ZNF705B: variants seen among roughly 807,000 people sequenced by gnomAD.
ZNF705B encodes the protein zinc finger protein 705B, also known as Putative zinc finger protein 705D-like protein LOC100132396.
ZNF705B carries 1 observed loss-of-function variant against 10.5 expected under a neutral mutation model. The ratio of observed to expected loss-of-function variants is 0.10; its 90% CI spans 0.03 to 0.45. ZNF705B has a LOEUF of 0.45. Among genes scored for constraint, ZNF705B ranks in the 20% least tolerant of loss-of-function variants. The pLI, the probability that ZNF705B is intolerant of heterozygous loss-of-function variation, is 0.97. For synonymous variants in ZNF705B, 4 were observed against 25.4 expected (o/e 0.16, Z 2.53); for missense variants, 14 against 84.0 (o/e 0.17, Z 3.26).
rs1384806260 is a variant in ZNF705B at position 7,927,260 on chromosome 8, C to T, written c.-222+863C>T. Among the ~76,000 whole-genome samples, 98 of 119,202 alleles carry T rather than the reference C, an allele frequency of 8.2e-4. 31 individuals are homozygous for T. The highest frequency in any genetic ancestry group is 1.5e-3 in the Non-Finnish European group (76 of 49,784). 78.2% of individuals were successfully genotyped at this position (119,202 alleles called of 152,430 possible). ...CTCTAATTCCATGGGCCCTAAAAGG[C>T]AAAGTTGTCCTTATTAAGTTTTAAA... is the stretch of plus-strand genomic sequence containing the variant. On this transcript the variant is annotated intron_variant, in intron 1 of 6. Transcript: ENST00000400120.
chr8:7,931,329 T>G (rs1819841978), intron 2 of ZNF705B, among the ~76,000 whole-genome samples: 1 of 121,646 alleles, frequency 8.2e-6, no homozygotes, highest in African/African-American at 2.5e-5. Context: ...TCCTCAGGCT[T>G]TCACCTGGTG....
At chr8:7,945,095 AT>A (rs1315509118) in intron 2 of ZNF705B, among the ~76,000 whole-genome samples, 5 of 32,614 alleles carry the variant, frequency 1.5e-4, no homozygotes, top group Non-Finnish European at 2.5e-4. Context: ...TTGTCAATAC[AT>A]TTTTTTTCCA....
chr8:7,931,603 A>G (rs1475367108), intron 2 of ZNF705B, among the ~76,000 whole-genome samples: 1 of 122,002 alleles, frequency 8.2e-6, no homozygotes, highest in Non-Finnish European at 2.0e-5. Flanking sequence ...AGTGACAGCA[A>G]TGGGTGGGAT....
At chr8:7,945,011 G>A (rs1254044963) in intron 2 of ZNF705B, among the ~76,000 whole-genome samples, 3 of 33,464 alleles carry the variant, frequency 9.0e-5, no homozygotes, top group African/African-American at 1.6e-4. Context: ...ACTGGAGGGA[G>A]ATACTAAGCT....
rs77161931 is a variant in ZNF705B, at chr8:7,937,538, C to A, written c.-72+7102C>A. ...GGAATTTTTAAACCTTGATTAAAAGCATTGATTTTCTGGGGTTATATATGT... is the reference window on the plus strand; with the variant it reads ...GGAATTTTTAAACCTTGATTAAAAGAATTGATTTTCTGGGGTTATATATGT... On this transcript the variant is annotated intron_variant, in intron 2 of 6. Coordinates refer to ENST00000400120, the MANE Select transcript of ZNF705B (RefSeq NM_001193630.1). Among the ~76,000 whole-genome samples the A allele has an allele frequency of 5.2e-4, 61 of 116,418 alleles. 7 individuals carry two copies. The South Asian group carries it at 0.016, about 31-fold the overall frequency. 76.4% of individuals were successfully genotyped at this position (116,418 alleles called of 152,430 possible).
At chr8:7,931,450 C>T (rs1161444076) in intron 2 of ZNF705B, among the ~76,000 whole-genome samples, 1 of 121,848 alleles carries the variant, frequency 8.2e-6, no homozygotes, top group African/African-American at 2.5e-5. Context: ...GGATTAATCC[C>T]CCAGCTCCCA....
At chr8:7,931,098 C>T (rs140260918) in intron 2 of ZNF705B, among the ~76,000 whole-genome samples, 52,836 of 111,842 alleles carry the variant, frequency 0.47, 11,162 homozygotes, top group South Asian at 0.62. Flanking sequence ...GGTGATCTGC[C>T]CCCCTCAGCC....
At chr8:7,927,377 C>A (rs1819721582) in intron 1 of ZNF705B, among the ~76,000 whole-genome samples, 1 of 120,978 alleles carries the variant, frequency 8.3e-6, no homozygotes, top group African/African-American at 2.5e-5. Context: ...TTAAAAGTTC[C>A]TCTTACAGGT....
intron 1 of ZNF705B, among the ~76,000 whole-genome samples, chr8:7,928,734 C>T (rs1379813827): frequency 2.1e-5 from 1 of 48,596 alleles, no homozygotes; most frequent in African/African-American, 4.5e-5. Context: ...AGAATTATCG[C>T]TTTTAACCAG....
At chr8:7,926,777 C>A (rs1330668916) in intron 1 of ZNF705B, among the ~76,000 whole-genome samples, 1 of 112,936 alleles carries the variant, frequency 8.9e-6, no homozygotes, top group African/African-American at 2.9e-5. Context: ...TTATGCACGA[C>A]CCTGTTCATT....
At chr8:7,928,275 G>T (rs1819752566) in intron 1 of ZNF705B, among the ~76,000 whole-genome samples, 1 of 119,498 alleles carries the variant, frequency 8.4e-6, no homozygotes, top group African/African-American at 2.5e-5. Context: ...CACCTTGGGG[G>T]TTGGCATTTC....
At chr8:7,930,627 AT>A (rs1341251762) in intron 2 of ZNF705B, among the ~76,000 whole-genome samples, 191 bp downstream of exon 2, 1 of 100,508 alleles carries the variant, frequency 9.9e-6, no homozygotes, top group East Asian at 2.9e-4. Context: ...GAAATTTAAA[AT>A]TTTTTCCCAA....
intron 1 of ZNF705B, among the ~76,000 whole-genome samples, chr8:7,928,632 G>C (rs1420997883): frequency 9.4e-6 from 1 of 106,404 alleles, no homozygotes; most frequent in Non-Finnish European, 2.3e-5. Context: ...CCATAAAAAT[G>C]CGTTGCACTA....
At chr8:7,930,053 T>C (rs1159623433) in intron 1 of ZNF705B, among the ~76,000 whole-genome samples, 1 of 105,378 alleles carries the variant, frequency 9.5e-6, no homozygotes, top group Non-Finnish European at 2.2e-5. Context: ...AATATGGTAT[T>C]ATGTGGTGGT....
intron 1 of ZNF705B, among the ~76,000 whole-genome samples, chr8:7,929,161 G>A (rs1283490956): frequency 8.2e-6 from 1 of 121,772 alleles, no homozygotes; most frequent in African/African-American, 2.5e-5. Context: ...TTGAAATAAG[G>A]TAATGTCAGT....
At chr8:7,940,369 A>T (rs550395222) in intron 2 of ZNF705B, among the ~76,000 whole-genome samples, 2 of 146,044 alleles carry the variant, frequency 1.4e-5, no homozygotes, top group African/African-American at 5.0e-5. Context: ...CATCACTACC[A>T]TCAAGATTAT....
chr8:7,932,374 A>T (rs561743785), intron 2 of ZNF705B, among the ~76,000 whole-genome samples: 1 of 120,998 alleles, frequency 8.3e-6, no homozygotes, highest in South Asian at 2.8e-4. Flanking sequence ...TCAAGGTATG[A>T]TTATCTACTT....
At chr8:7,930,927 A>G (rs538032114) in intron 2 of ZNF705B, among the ~76,000 whole-genome samples, 52 of 128,332 alleles carry the variant, frequency 4.1e-4, no homozygotes, top group African/African-American at 1.1e-3. Context: ...CACAATTTCA[A>G]CTCACTGCAG....
intron 2 of ZNF705B, among the ~76,000 whole-genome samples, chr8:7,933,930 T>A (rs1273468969): frequency 1.1e-4 from 1 of 8,758 alleles, no homozygotes; most frequent in African/African-American, 2.1e-4. Context: ...TAATATAAAC[T>A]TTTTTTTTTT....
Sources: gnomAD v4.1 joint callset for allele counts (sites outside exome capture counted in the v4.1 genomes callset) on GRCh38, gnomAD v4.1.1 for gene constraint, MANE v1.5 for transcripts, NCBI Gene and HGNC (gene_info 2026-07-23, HGNC 2026-07-21) for gene names.